SHROOM4: variants seen among roughly 807,000 people sequenced by gnomAD.
SHROOM4 encodes the protein shroom family member 4.
A neutral mutation model predicts 80.3 loss-of-function variants in SHROOM4; 17 were observed. That is an observed-to-expected ratio of 0.21 (90% CI 0.14 to 0.32). SHROOM4 has a LOEUF of 0.32. SHROOM4 is among the 10% of genes least tolerant of loss of function. SHROOM4 has a pLI of 1.00. For missense variants in SHROOM4, 993 were observed against 1,140.3 expected (o/e 0.87, Z 1.86); for synonymous variants, 400 against 437.5 (o/e 0.91, Z 1.07).
chrX:50,698,864 A>T (rs1557263307), intron 1 of SHROOM4, among the ~76,000 whole-genome samples: 1 of 111,999 alleles, frequency 8.9e-6, no homozygotes, highest in Admixed American at 9.5e-5. Flanking sequence ...GGGGCGAAAG[A>T]TGATATGCAT....
chrX:50,613,825 C>T (rs187711923), intron 5 of SHROOM4, among the ~76,000 whole-genome samples: 2 of 111,670 alleles, frequency 1.8e-5, no homozygotes, highest in Admixed American at 9.5e-5. Flanking sequence ...AAATTAAAAT[C>T]GTAAGAATTA....
chrX:50,656,844 C>A (rs1432902103), intron 2 of SHROOM4, among the ~76,000 whole-genome samples: 1 of 111,002 alleles, frequency 9.0e-6, no homozygotes, highest in Non-Finnish European at 1.9e-5. Flanking sequence ...GCAGTATGGA[C>A]ATTTTAATGA....
In SHROOM4 at chrX:50,630,789, T is replaced by C. The variant is rs1931025837; in HGVS notation, c.2895+2389A>G. Reference sequence around the variant, plus strand: ...AACTATATCCCCATAAATTTTAAAATGTAAATGAAATGGACAAATTTCTTG... The same window carrying C: ...AACTATATCCCCATAAATTTTAAAACGTAAATGAAATGGACAAATTTCTTG... On this transcript the variant is annotated intron_variant, in intron 4 of 8. Transcript: ENST00000376020. Among the ~76,000 whole-genome samples the C allele has an allele frequency of 3.6e-5, 4 of 111,939 alleles. No homozygotes were observed. The South Asian group carries it at 1.5e-3, about 42-fold the overall frequency.
In SHROOM4 at chrX:50,620,554, A is replaced by T. The variant is rs782734976; in HGVS notation, c.2957+7060T>A. ...ATTGTCCTCTAGGAAGACTAAACCC[A>T]GAAACACATACTCTTGTCACATTTT... On this transcript the variant is annotated intron_variant, in intron 5 of 8. Transcript: ENST00000376020. Among the ~76,000 whole-genome samples the T allele has an allele frequency of 1.7e-3, 194 of 112,343 alleles. 1 individual carries two copies. The highest frequency in any genetic ancestry group is 5.8e-3 in the African/African-American group (179 of 30,957).
chrX:50,603,590 T>C (rs1433597071), intron 6 of SHROOM4, among the ~76,000 whole-genome samples: 2 of 111,417 alleles, frequency 1.8e-5, no homozygotes, highest in African/African-American at 6.5e-5. Context: ...TCCATGGTTG[T>C]AGAATGAAAT....
chrX:50,690,043 C>T (rs1261267062), intron 2 of SHROOM4, among the ~76,000 whole-genome samples: 1 of 111,756 alleles, frequency 8.9e-6, no homozygotes, highest in Non-Finnish European at 1.9e-5. Flanking sequence ...TGAAGGAATT[C>T]ACAGATAAAA....
Position 50,635,631 on chromosome X carries a change from A to G in SHROOM4, c.442T>C (p.Cys148Arg). 8.3e-7 allele frequency: 1 copy of G among 1,209,794 alleles called. No homozygotes were observed. Among genetic ancestry groups the G allele is most frequent in the African/African-American group, 1.7e-5 (1 of 57,298 alleles). Residue 148 changes from cysteine (C) to arginine (R), a missense_variant, in exon 4 of 9, where the codon TGC becomes CGC. Physicochemically the swap from Cys to Arg is radical, Grantham distance 180. Transcript: ENST00000376020. ...ATGGAGCTGCTTTTCTCGGTGCTGC[A>G]ATGCCGGGAGAGTGGACACCACTGC... Reference protein sequence around the residue: ...CVQWCPLSRHCSTEKSSSIGS... With the variant: ...CVQWCPLSRHRSTEKSSSIGS...
At chrX:50,609,737 T>C (rs2147236502) in intron 5 of SHROOM4, among the ~76,000 whole-genome samples, 1 of 109,541 alleles carries the variant, frequency 9.1e-6, no homozygotes, top group Non-Finnish European at 1.9e-5. Context: ...TATATATGTG[T>C]ATATATTATG....
chrX:50,747,311 C>T (rs782503960), intron 1 of SHROOM4, among the ~76,000 whole-genome samples: 1 of 111,810 alleles, frequency 8.9e-6, no homozygotes, highest in Admixed American at 9.5e-5. Context: ...TTATACAAGC[C>T]TATATCACTC....
chrX:50,577,336 T>C, the SHROOM4 span, among the ~76,000 whole-genome samples: 1 of 113,137 alleles, frequency 8.8e-6, no homozygotes, highest in Non-Finnish European at 1.9e-5. Context: ...TGTTTTATTT[T>C]AGAACTGTTA....
chrX:50,610,256 T>C (rs1929897848), intron 5 of SHROOM4, among the ~76,000 whole-genome samples: 1 of 110,346 alleles, frequency 9.1e-6, no homozygotes, highest in African/African-American at 3.3e-5. Flanking sequence ...CACTATCTTC[T>C]CATTTGGGCC....
chrX:50,618,263 T>A (rs1293883429), intron 5 of SHROOM4, among the ~76,000 whole-genome samples: 1 of 105,164 alleles, frequency 9.5e-6, no homozygotes, highest in African/African-American at 3.5e-5. Flanking sequence ...TTCTTTCTTT[T>A]CTTCTCTTCT....
rs782063137 is a variant in SHROOM4, at chrX:50,729,961, G to A, written c.118-34024C>T. On this transcript the variant is annotated intron_variant, in intron 1 of 8. Transcript: ENST00000376020. ...TAATAAAAACCTGAAAGAATTCATT[G>A]CTAATAGACCTGACTTACAAGAAAA... Among the ~76,000 whole-genome samples the A allele has an allele frequency of 2.2e-4, 25 of 111,949 alleles. 1 individual carries two copies. Among genetic ancestry groups the A allele is most frequent in the African/African-American group, 8.1e-4 (25 of 30,860 alleles).
intron 1 of SHROOM4, among the ~76,000 whole-genome samples, chrX:50,737,339 A>G (rs1273404077): frequency 9.0e-6 from 1 of 111,418 alleles, no homozygotes; most frequent in African/African-American, 3.3e-5. Context: ...AAAAAAACCA[A>G]CAAAATAAAT....
chrX:50,711,766 C>T (rs1933822658), intron 1 of SHROOM4, among the ~76,000 whole-genome samples: 1 of 112,294 alleles, frequency 8.9e-6, no homozygotes. Context: ...TTCAGCTTTT[C>T]TGTAAATTTA....
At chrX:50,615,945 C>A (rs1266082879) in intron 5 of SHROOM4, among the ~76,000 whole-genome samples, 1 of 112,510 alleles carries the variant, frequency 8.9e-6, no homozygotes, top group Non-Finnish European at 1.9e-5. Context: ...TATTACTGGG[C>A]TGATTTACCC....
At chrX:50,604,054 A>G (rs1198006406) in intron 6 of SHROOM4, among the ~76,000 whole-genome samples, 1 of 111,921 alleles carries the variant, frequency 8.9e-6, no homozygotes, top group Non-Finnish European at 1.9e-5. Flanking sequence ...AAAGGTCAAA[A>G]ATAATGGTTA....
At chrX:50,673,401 G>A (rs1181949244) in intron 2 of SHROOM4, among the ~76,000 whole-genome samples, 1 of 111,057 alleles carries the variant, frequency 9.0e-6, no homozygotes. Flanking sequence ...TCAATATGAA[G>A]AGATATACTC....
At chrX:50,576,035 T>C in the SHROOM4 span, among the ~76,000 whole-genome samples, 1 of 112,040 alleles carries the variant, frequency 8.9e-6, no homozygotes, top group East Asian at 2.8e-4. Flanking sequence ...GGTGGGCGAA[T>C]AGAGTTTCCA....
Sources: allele counts gnomAD v4.1 joint callset (sites outside exome capture counted in the v4.1 genomes callset), GRCh38; gene constraint gnomAD v4.1.1; transcripts MANE v1.5; gene names NCBI Gene and HGNC (gene_info 2026-07-23, HGNC 2026-07-21).